The following AMD1 variants were observed in gnomAD, a reference collection of about 807,000 sequenced individuals.
The protein encoded by AMD1 is S-adenosylmethionine decarboxylase proenzyme.
Under a neutral mutation model 40.2 loss-of-function variants are expected in AMD1, and 11 were observed. The ratio of observed to expected loss-of-function variants is 0.27; its 90% CI spans 0.17 to 0.45. The LOEUF is 0.45. AMD1 is among the 20% of genes least tolerant of loss of function. The pLI is 1.00. For synonymous variants in AMD1, 121 were observed against 130.8 expected (o/e 0.93, Z 0.51); for missense variants, 257 against 410.2 (o/e 0.63, Z 3.23).
At chr6:110,862,719 C>T in the AMD1 span, among the ~76,000 whole-genome samples, 5 of 151,150 alleles carry the variant, frequency 3.3e-5, no homozygotes, top group Non-Finnish European at 5.9e-5. Flanking sequence ...ATCTGCCTGC[C>T]TCGGCCTCCC....
At chr6:110,863,439 A>G in the AMD1 span, among the ~76,000 whole-genome samples, 10 of 147,674 alleles carry the variant, frequency 6.8e-5, no homozygotes, top group East Asian at 2.0e-3. Context: ...GCACAATCTC[A>G]GCTCATTACA....
At chr6:110,815,864 T>C in the AMD1 span, 1 of 152,366 alleles carries the variant, frequency 6.6e-6, no homozygotes, top group South Asian at 2.1e-4. Flanking sequence ...AGGACAGTTG[T>C]ACCGCAGCTT....
At chr6:110,857,307 C>T in the AMD1 span, among the ~76,000 whole-genome samples, 2 of 151,576 alleles carry the variant, frequency 1.3e-5, no homozygotes, top group Non-Finnish European at 2.9e-5. Context: ...GCCAAGGGGG[C>T]GGATCACCTG....
chr6:110,885,749 C>G (rs914474939), intron 1 of AMD1, among the ~76,000 whole-genome samples: 1 of 152,158 alleles, frequency 6.6e-6, no homozygotes, highest in African/African-American at 2.4e-5. Flanking sequence ...AATACAGGAA[C>G]TCAGCTCTGT....
At chr6:110,869,047 G>A in the AMD1 span, among the ~76,000 whole-genome samples, 5 of 148,342 alleles carry the variant, frequency 3.4e-5, no homozygotes, top group Non-Finnish European at 7.4e-5. Context: ...CAATAAGAGC[G>A]AAACTCGTTC....
upstream of AMD1, among the ~76,000 whole-genome samples, chr6:110,873,709 C>T (rs1183276357): frequency 5.3e-5 from 8 of 151,952 alleles, no homozygotes; most frequent in Admixed American, 6.5e-5. Flanking sequence ...AACTGTTTGA[C>T]CATGGCTTGA....
the AMD1 span, chr6:110,815,370 T>G: frequency 2.7e-6 from 1 of 374,426 alleles, no homozygotes; most frequent in Non-Finnish European, 4.7e-6. Flanking sequence ...CGGCGGCGGC[T>G]CCCGCAGGCA....
chr6:110,848,630 C>T, the AMD1 span: 30 of 566,444 alleles, frequency 5.3e-5, no homozygotes, highest in South Asian at 1.4e-4. Flanking sequence ...CAACCCAGAA[C>T]TCATTGTTCA....
intron 1 of AMD1, among the ~76,000 whole-genome samples, chr6:110,882,979 A>G (rs1380420069): frequency 6.6e-6 from 1 of 152,030 alleles, no homozygotes; most frequent in Non-Finnish European, 1.5e-5. Context: ...ATATATTAGT[A>G]AGGTGTAGTG....
chr6:110,820,240 CTTT>C, the AMD1 span, among the ~76,000 whole-genome samples: 2 of 141,966 alleles, frequency 1.4e-5, no homozygotes, highest in Non-Finnish European at 1.5e-5. Context: ...TTCTTTCTTT[CTTT>C]TTTTTTTTTT....
intron 1 of AMD1, among the ~76,000 whole-genome samples, chr6:110,876,328 G>C (rs1217849369): frequency 1.3e-5 from 2 of 152,232 alleles, no homozygotes; most frequent in Non-Finnish European, 2.9e-5. Context: ...CTAGGGTGGC[G>C]GTGCAGCGGA....
At chr6:110,874,267 C>A (rs1054317893), upstream of AMD1, among the ~76,000 whole-genome samples, 1 of 152,216 alleles carries the variant, frequency 6.6e-6, no homozygotes, top group Admixed American at 6.5e-5. Context: ...GTGCGCGTCA[C>A]GGACAAATGT....
the AMD1 span, among the ~76,000 whole-genome samples, chr6:110,828,390 G>A: frequency 5.3e-5 from 8 of 151,688 alleles, no homozygotes; most frequent in East Asian, 7.8e-4. Flanking sequence ...CTAAGATCAC[G>A]CCATTGCACT....
At chr6:110,866,817 CTT>C in the AMD1 span, among the ~76,000 whole-genome samples, 4 of 143,940 alleles carry the variant, frequency 2.8e-5, no homozygotes. Context: ...ACAACACTTT[CTT>C]TTTTTTTTTT....
At chr6:110,880,881 A>G (rs1453871248) in intron 1 of AMD1, among the ~76,000 whole-genome samples, 2 of 152,156 alleles carry the variant, frequency 1.3e-5, no homozygotes, top group Admixed American at 6.5e-5. Context: ...TATGTTGGTC[A>G]GGCTGGTCTT....
the AMD1 span, among the ~76,000 whole-genome samples, chr6:110,852,980 C>T: frequency 1.5e-5 from 2 of 135,950 alleles, no homozygotes; most frequent in Non-Finnish European, 3.1e-5. Flanking sequence ...GCTAATTAAG[C>T]ACTTTTTTTT....
chr6:110,871,796 T>C (rs2115261284), upstream of AMD1, among the ~76,000 whole-genome samples: 1 of 152,308 alleles, frequency 6.6e-6, no homozygotes, highest in Middle Eastern at 3.4e-3. Flanking sequence ...GGTTTGAAAT[T>C]CAAGGGAGAT....
chr6:110,868,178 C>T, the AMD1 span, among the ~76,000 whole-genome samples: 1 of 151,730 alleles, frequency 6.6e-6, no homozygotes, highest in African/African-American at 2.4e-5. Flanking sequence ...GACAGAGTCT[C>T]ACCCTGTCAC....
chr6:110,823,010 G>A, the AMD1 span, among the ~76,000 whole-genome samples: 1 of 152,136 alleles, frequency 6.6e-6, no homozygotes, highest in Non-Finnish European at 1.5e-5. Flanking sequence ...CAGTACTCAG[G>A]AGGCTGAGGC....
Sources: allele counts gnomAD v4.1 joint callset (sites outside exome capture counted in the v4.1 genomes callset), GRCh38; gene constraint gnomAD v4.1.1; transcripts MANE v1.5; gene names NCBI Gene and HGNC (gene_info 2026-07-23, HGNC 2026-07-21).